Variants in DSCAM observed in about 807,000 individuals in gnomAD.
DSCAM encodes the protein cell adhesion molecule DSCAM.
Under a neutral mutation model 217.7 loss-of-function variants are expected in DSCAM, and 47 were observed. That is an observed-to-expected ratio of 0.22 (90% CI 0.17 to 0.28). DSCAM has a LOEUF of 0.28. Among genes scored for constraint, DSCAM ranks in the 10% least tolerant of loss-of-function variants. The pLI is 1.00. For missense variants in DSCAM, 2,080 were observed against 2,618.3 expected, an observed-to-expected ratio of 0.79 and a Z score of 4.49; for synonymous variants, 1,056 against 1,015.3, an observed-to-expected ratio of 1.04 and a Z score of -0.76.
At chr21:40,659,714 C>A (rs1374064122) in intron 3 of DSCAM, among the ~76,000 whole-genome samples, 1 of 152,244 alleles carries the variant, frequency 6.6e-6, no homozygotes, top group South Asian at 2.1e-4. Flanking sequence ...ATCTATCGAT[C>A]GATCCATCCA....
At chr21:40,130,268 T>C (rs969060944) in intron 19 of DSCAM, among the ~76,000 whole-genome samples, 1 of 152,186 alleles carries the variant, frequency 6.6e-6, no homozygotes, top group Non-Finnish European at 1.5e-5. Flanking sequence ...GCATCAGGAT[T>C]TCACAACTGT....
At chr21:40,296,360 T>A (rs2073954127) in intron 9 of DSCAM, among the ~76,000 whole-genome samples, 186 bp from the exon 10 acceptor site, 1 of 152,302 alleles carries the variant, frequency 6.6e-6, no homozygotes, top group African/African-American at 2.4e-5. Flanking sequence ...GCTGAAAAAT[T>A]TTCTGATTCA....
At chr21:40,395,408 T>A (rs555888860) in intron 3 of DSCAM, among the ~76,000 whole-genome samples, 1 of 152,082 alleles carries the variant, frequency 6.6e-6, no homozygotes, top group African/African-American at 2.4e-5. Flanking sequence ...GCATGTTTTT[T>A]TTCCTACCTG....
intron 3 of DSCAM, among the ~76,000 whole-genome samples, chr21:40,508,595 G>A (rs1417707942): frequency 1.3e-5 from 2 of 150,824 alleles, no homozygotes; most frequent in Non-Finnish European, 3.0e-5. Flanking sequence ...TAAAGATAGA[G>A]TCTTGCCCTG....
intron 16 of DSCAM, among the ~76,000 whole-genome samples, chr21:40,163,555 A>C (rs1476257336): frequency 6.6e-6 from 1 of 151,944 alleles, no homozygotes; most frequent in East Asian, 1.9e-4. Flanking sequence ...GCCCTTTCTG[A>C]GACTTCATCT....
chr21:40,218,343 T>C (rs1201293710), intron 11 of DSCAM, among the ~76,000 whole-genome samples: 1 of 152,178 alleles, frequency 6.6e-6, no homozygotes, highest in Non-Finnish European at 1.5e-5. Flanking sequence ...TTGTGTTCCA[T>C]TGGACGATGA....
intron 2 of DSCAM, among the ~76,000 whole-genome samples, chr21:40,707,497 A>G (rs945259105): frequency 6.6e-6 from 1 of 152,238 alleles, no homozygotes; most frequent in African/African-American, 2.4e-5. Context: ...GGCTTACATC[A>G]AAGAGATCAT....
At chr21:40,424,890 T>G (rs982442976) in intron 3 of DSCAM, among the ~76,000 whole-genome samples, 1 of 151,950 alleles carries the variant, frequency 6.6e-6, no homozygotes, top group African/African-American at 2.4e-5. Flanking sequence ...GTTCAGGAGT[T>G]TGAGACCAGC....
At chr21:40,491,725 AC>A (rs2076077622) in intron 3 of DSCAM, among the ~76,000 whole-genome samples, 1 of 151,872 alleles carries the variant, frequency 6.6e-6, no homozygotes, top group African/African-American at 2.4e-5. Context: ...CTGCCCTAAG[AC>A]CTTTGCCTAG....
rs188002261 is a variant in DSCAM, at chr21:40,797,440, G to A, written c.43+49179C>T. ...TATTTCAAGATGGTGGATGATGTAG[G>A]TGGAACAACCACTTGTGCATTTGAG... On this transcript the variant is annotated intron_variant, in intron 1 of 32. Transcript: ENST00000400454. Among the ~76,000 whole-genome samples, 22 of 152,314 alleles carry A rather than the reference G, an allele frequency of 1.4e-4. No individual in the cohort carries two copies. In the East Asian group the frequency reaches 2.1e-3, roughly 15 times the overall value.
chr21:40,296,229 G>C (rs201149683), intron 9 of DSCAM, 55 bp from the exon 10 acceptor site: 18 of 1,580,692 alleles, frequency 1.1e-5, no homozygotes, highest in Non-Finnish European at 1.5e-5. Context: ...ACTGAGTAAA[G>C]GTATGATTCT....
chr21:40,275,771 T>C (rs751778740), intron 11 of DSCAM, among the ~76,000 whole-genome samples: 19 of 152,068 alleles, frequency 1.2e-4, no homozygotes, highest in Non-Finnish European at 2.4e-4. Context: ...AGGGTAGCAA[T>C]GTGGGTGTTA....
intron 3 of DSCAM, among the ~76,000 whole-genome samples, chr21:40,569,012 T>C (rs1464829685): frequency 6.6e-6 from 1 of 152,202 alleles, no homozygotes; most frequent in Non-Finnish European, 1.5e-5. Context: ...CCAGATAGGC[T>C]GTTTATCCCC....
intron 3 of DSCAM, among the ~76,000 whole-genome samples, chr21:40,602,459 A>G (rs568518218): frequency 6.6e-5 from 10 of 152,236 alleles, no homozygotes; most frequent in Admixed American, 2.0e-4. Context: ...GCCTGATGCT[A>G]TCTTTTTTGG....
At chr21:40,228,769 G>A (rs1348244881) in intron 11 of DSCAM, among the ~76,000 whole-genome samples, 2 of 151,312 alleles carry the variant, frequency 1.3e-5, no homozygotes, top group Non-Finnish European at 2.9e-5. Flanking sequence ...AAGGAGTCCT[G>A]GTTCATTTTA....
intron 3 of DSCAM, among the ~76,000 whole-genome samples, chr21:40,517,389 TACACACACACAAGCAAC>T (rs1368866267): frequency 7.7e-6 from 1 of 129,936 alleles, no homozygotes; most frequent in Admixed American, 8.7e-5. Flanking sequence ...CACACATCTA[TACACACACACAAGCAAC>T]ACACACACAC....
intron 16 of DSCAM, 25 bp downstream of exon 16, chr21:40,167,193 G>A (rs201659644): frequency 5.6e-6 from 9 of 1,610,926 alleles, no homozygotes; most frequent in Non-Finnish European, 7.6e-6. Flanking sequence ...AAAGCACCGA[G>A]AATACAAATG....
intron 20 of DSCAM, among the ~76,000 whole-genome samples, chr21:40,106,068 T>C (rs2089815619): frequency 6.6e-6 from 1 of 152,214 alleles, no homozygotes; most frequent in Non-Finnish European, 1.5e-5. Flanking sequence ...CAGTTCCACA[T>C]GGCTGGGGAG....
intron 11 of DSCAM, among the ~76,000 whole-genome samples, chr21:40,232,825 G>A (rs2091393788): frequency 6.6e-6 from 1 of 152,036 alleles, no homozygotes; most frequent in African/African-American, 2.4e-5. Flanking sequence ...ACCTAGTAGG[G>A]TGATATTTAA....
Sources: gnomAD v4.1 joint callset for allele counts (sites outside exome capture counted in the v4.1 genomes callset) on GRCh38, gnomAD v4.1.1 for gene constraint, MANE v1.5 for transcripts, NCBI Gene and HGNC (gene_info 2026-07-23, HGNC 2026-07-21) for gene names.